The following KHDRBS2 variants were observed in gnomAD, a reference collection of about 807,000 sequenced individuals.
KHDRBS2 encodes KH domain-containing, RNA-binding, signal transduction-associated protein 2.
In KHDRBS2, 26 loss-of-function variants were observed where a neutral mutation model predicts 44.3. The ratio of observed to expected loss-of-function variants is 0.59; its 90% confidence interval spans 0.43 to 0.81. The LOEUF is 0.81. Among genes scored for constraint, KHDRBS2 ranks in the 40% least tolerant of loss-of-function variants. The pLI, the probability that KHDRBS2 is intolerant of heterozygous loss-of-function variation, is 0.00. For synonymous variants in KHDRBS2, 194 were observed against 151.1 expected (o/e 1.28, Z -2.08); for missense variants, 476 against 433.1 (o/e 1.10, Z -0.88).
the KHDRBS2 span, among the ~76,000 whole-genome samples, chr6:61,566,587 C>T: frequency 6.6e-6 from 1 of 151,986 alleles, no homozygotes; most frequent in Non-Finnish European, 1.5e-5. Context: ...TGACCTACGC[C>T]CAGGAATGAA....
At chr6:61,860,754 C>A (rs771886683) in intron 6 of KHDRBS2, among the ~76,000 whole-genome samples, 15 of 151,958 alleles carry the variant, frequency 9.9e-5, no homozygotes, top group Non-Finnish European at 1.8e-4. Flanking sequence ...ATTGCTGGGT[C>A]GAATGGTATT....
chr6:61,578,008 A>T, the KHDRBS2 span, among the ~76,000 whole-genome samples: 5 of 152,142 alleles, frequency 3.3e-5, no homozygotes, highest in Non-Finnish European at 7.4e-5. Flanking sequence ...TTCATTAATA[A>T]AACTTCACTC....
intron 1 of KHDRBS2, among the ~76,000 whole-genome samples, chr6:62,241,277 G>A (rs1324780888): frequency 1.3e-5 from 2 of 152,096 alleles, no homozygotes; most frequent in East Asian, 3.9e-4. Flanking sequence ...GTATAAGGAT[G>A]CAGAATAAGG....
chr6:62,026,803 C>T (rs549282164), intron 3 of KHDRBS2, among the ~76,000 whole-genome samples: 16 of 152,040 alleles, frequency 1.1e-4, no homozygotes, highest in Non-Finnish European at 2.4e-4. Flanking sequence ...AAGTTATGTG[C>T]CTAACTCTGG....
chr6:62,059,490 A>T (rs1791196887), intron 2 of KHDRBS2, among the ~76,000 whole-genome samples: 1 of 151,720 alleles, frequency 6.6e-6, no homozygotes, highest in African/African-American at 2.4e-5. Flanking sequence ...AGACATGGCA[A>T]TTTATTATAT....
intron 6 of KHDRBS2, among the ~76,000 whole-genome samples, chr6:61,739,259 G>T (rs1057264454): frequency 6.6e-6 from 1 of 151,816 alleles, no homozygotes; most frequent in Admixed American, 6.6e-5. Context: ...ATTCAGCAAT[G>T]ATGTCAATGT....
intron 6 of KHDRBS2, among the ~76,000 whole-genome samples, chr6:61,834,038 G>A (rs537762748): frequency 6.6e-6 from 1 of 152,010 alleles, no homozygotes; most frequent in South Asian, 2.1e-4. Context: ...TATGTCTGTT[G>A]GTAGATTTTT....
chr6:62,089,600 T>C (rs529569888), intron 2 of KHDRBS2, among the ~76,000 whole-genome samples: 1 of 152,006 alleles, frequency 6.6e-6, no homozygotes, highest in South Asian at 2.1e-4. Flanking sequence ...TGTACCTCAG[T>C]TGGAAATGCA....
At chr6:61,934,159 T>C (rs2127369537) in intron 4 of KHDRBS2, among the ~76,000 whole-genome samples, 1 of 152,292 alleles carries the variant, frequency 6.6e-6, no homozygotes, top group African/African-American at 2.4e-5. Context: ...GGGTTTTTTT[T>C]TGCAGTTGAA....
At chr6:62,012,997 G>C (rs1780576876) in intron 3 of KHDRBS2, among the ~76,000 whole-genome samples, 1 of 152,170 alleles carries the variant, frequency 6.6e-6, no homozygotes, top group Non-Finnish European at 1.5e-5. Flanking sequence ...GAAGGACTGG[G>C]AACTGCAGTG....
At chr6:61,567,473 A>G in the KHDRBS2 span, among the ~76,000 whole-genome samples, 15 of 152,202 alleles carry the variant, frequency 9.9e-5, no homozygotes, top group East Asian at 2.9e-3. Flanking sequence ...GTCTCTACAA[A>G]AAAAGTAAAA....
chr6:61,955,937 C>T (rs1249048735), intron 4 of KHDRBS2, among the ~76,000 whole-genome samples: 1 of 151,982 alleles, frequency 6.6e-6, no homozygotes, highest in African/African-American at 2.4e-5. Flanking sequence ...AGCTAGTAAG[C>T]AAAGGAGCAA....
chr6:62,067,207 G>A (rs367552225), intron 2 of KHDRBS2, among the ~76,000 whole-genome samples: 1 of 151,370 alleles, frequency 6.6e-6, no homozygotes, highest in African/African-American at 2.4e-5. Flanking sequence ...AAAATGATAT[G>A]GATCTGTTAG....
chr6:62,166,251 T>C (rs1818663902), intron 2 of KHDRBS2, among the ~76,000 whole-genome samples: 1 of 152,038 alleles, frequency 6.6e-6, no homozygotes, highest in East Asian at 1.9e-4. Context: ...GTTTTTATCT[T>C]TCGGCTATTG....
intron 4 of KHDRBS2, among the ~76,000 whole-genome samples, chr6:61,942,192 C>T (rs1230789768): frequency 6.6e-6 from 1 of 152,052 alleles, no homozygotes; most frequent in East Asian, 1.9e-4. Context: ...CTCTTGGCCT[C>T]AAGTGATCCT....
rs1177714571 is a variant in KHDRBS2 at position 61,848,348 on chromosome 6, T to TGTA, written c.810+46284_810+46286dup. On this transcript the variant is annotated intron_variant, in intron 6 of 8. Coordinates refer to ENST00000281156, the MANE Select transcript of KHDRBS2 (RefSeq NM_152688.4). Reference sequence around the variant, plus strand: ...TGAAATACCTGTAGAAAAGTGCTTATGTAAGTGAACAAGCAGGTCGCAATG... The same window carrying TGTA: ...TGAAATACCTGTAGAAAAGTGCTTATGTAGTAAGTGAACAAGCAGGTCGCAATG... Among the ~76,000 whole-genome samples, 12 of 148,822 alleles carry TGTA rather than the reference T, an allele frequency of 8.1e-5. No individual in the cohort carries two copies. The East Asian group carries it at 2.4e-3, about 30-fold the overall frequency.
At chr6:61,920,939 A>G (rs1343473437) in intron 4 of KHDRBS2, among the ~76,000 whole-genome samples, 1 of 151,982 alleles carries the variant, frequency 6.6e-6, no homozygotes, top group Non-Finnish European at 1.5e-5. Context: ...AATTAATAAA[A>G]TGGCAACGTA....
chr6:61,821,724 A>G (rs1438771749), intron 6 of KHDRBS2, among the ~76,000 whole-genome samples: 1 of 151,796 alleles, frequency 6.6e-6, no homozygotes, highest in Non-Finnish European at 1.5e-5. Context: ...CTATGAATTT[A>G]TTTTAGCTAG....
At chr6:61,864,733 A>G (rs1583230238) in intron 6 of KHDRBS2, among the ~76,000 whole-genome samples, 1 of 151,966 alleles carries the variant, frequency 6.6e-6, no homozygotes, top group African/African-American at 2.4e-5. Flanking sequence ...TCTGATGATG[A>G]TGTGTCTTGG....
Sources: gnomAD v4.1 joint callset for allele counts (sites outside exome capture counted in the v4.1 genomes callset) on GRCh38, gnomAD v4.1.1 for gene constraint, MANE v1.5 for transcripts, NCBI Gene and HGNC (gene_info 2026-07-23, HGNC 2026-07-21) for gene names.